RNASEH2A: variants seen among roughly 807,000 people sequenced by gnomAD.
RNASEH2A encodes the protein ribonuclease H2 subunit A, also known as RNase H(35).
A neutral mutation model predicts 32.7 loss-of-function variants in RNASEH2A; 30 were observed. The ratio of observed to expected loss-of-function variants is 0.92; its 90% CI spans 0.69 to 1.25. The LOEUF is 1.25. RNASEH2A is among the 50% of genes most tolerant of loss of function. The pLI, the probability that RNASEH2A is intolerant of heterozygous loss-of-function variation, is 0.00. For synonymous variants in RNASEH2A, 147 were observed against 165.4 expected (o/e 0.89, Z 0.86); for missense variants, 409 against 398.1 (o/e 1.03, Z -0.23).
Position 12,813,480 on chromosome 19 carries a change from G to T in RNASEH2A, c.*14G>T. On this transcript the variant is annotated 3_prime_UTR_variant, in exon 8 of 8. Coordinates refer to ENST00000221486, the MANE Select transcript of RNASEH2A (RefSeq NM_006397.3). ...ACCAGCCTCTAGCAGCTGCCTCTAC[G>T]CGCTCTACCTGCTTCCCCAACCCAG... 1 of 1,612,174 alleles carries T rather than the reference G, an allele frequency of 6.2e-7. No individual in the cohort carries two copies. Among genetic ancestry groups the T allele is most frequent in the Non-Finnish European group, 8.5e-7 (1 of 1,179,996 alleles).
At chr19:12,808,356 C>T (rs75106150) in intron 4 of RNASEH2A, among the ~76,000 whole-genome samples, 2,118 of 152,322 alleles carry the variant, frequency 0.014, 22 homozygotes, top group Non-Finnish European at 0.022. Flanking sequence ...CTGTTGATTT[C>T]GTGCTCCTGT....
At chr19:12,811,617 C>CA (rs201378863) in intron 6 of RNASEH2A, among the ~76,000 whole-genome samples, 9,624 of 143,274 alleles carry the variant, frequency 0.067, 494 homozygotes, top group African/African-American at 0.14. Context: ...GATCTTGTGT[C>CA]AAAAAAAAAA....
rs762503607 is a variant in RNASEH2A, at chr19:12,810,106, C to G, written c.447C>G (p.Tyr149Ter). The change falls in exon 5 of 8, where the codon TAC becomes TAG. Residue 149 changes from tyrosine to a stop codon, truncating the protein, a stop_gained. Coordinates refer to ENST00000221486, the MANE Select transcript of RNASEH2A (RefSeq NM_006397.3). LOFTEE classifies it high-confidence loss of function. ...FVDTVGMPET[Y>*]QARLQQSFPG... ...ACACCGTAGGGATGCCAGAGACATA[C>G]CAGGCGCGGCTGCAGCAAAGTTTTC... The G allele has an allele frequency of 6.2e-7, 1 of 1,614,160 alleles. No individual in the cohort carries two copies. Among genetic ancestry groups the G allele is most frequent in the Admixed American group, 1.7e-5 (1 of 60,018 alleles).
In RNASEH2A at chr19:12,810,371, T is replaced by G; in HGVS notation, c.604T>G (p.Leu202Val). ...GCAGTTCGTGGAGAAACTGCAGGACTTGGATACTGATTATGGCTCAGGCTA... is the reference window on the plus strand; with the variant it reads ...GCAGTTCGTGGAGAAACTGCAGGACGTGGATACTGATTATGGCTCAGGCTA... ...KWQFVEKLQD[L>V]DTDYGSGYPN... Residue 202 changes from leucine to valine, a missense_variant, in exon 6 of 8, where the codon TTG becomes GTG. By Grantham distance (32) the Leu-to-Val change is conservative. Transcript: ENST00000221486. 1 of 1,614,094 alleles carries G rather than the reference T, an allele frequency of 6.2e-7. No individual in the cohort carries two copies. Among genetic ancestry groups the G allele is most frequent in the Non-Finnish European group, 8.5e-7 (1 of 1,180,024 alleles).
chr19:12,808,794 G>A (rs930556032), intron 4 of RNASEH2A, among the ~76,000 whole-genome samples: 3 of 152,144 alleles, frequency 2.0e-5, no homozygotes, highest in Admixed American at 1.3e-4. Context: ...TAACCTTGAC[G>A]TAGGAATTGT....
Position 12,807,064 on chromosome 19 carries a change from G to A in RNASEH2A, c.184G>A (p.Ala62Thr), listed in dbSNP as rs766736329. 1 of 1,614,180 alleles carries A rather than the reference G, an allele frequency of 6.2e-7. No individual in the cohort carries two copies. The highest frequency in any genetic ancestry group is 1.7e-5 in the Admixed American group (1 of 60,006). Reference protein sequence around the residue: ...CPLPRLADLEALKVADSKTLL... With the variant: ...CPLPRLADLETLKVADSKTLL... ...CCTGCCTCGCCTGGCAGATCTGGAGGCGCTGAAAGTGGCAGGTGAGCCCGA... is the reference window on the plus strand; with the variant it reads ...CCTGCCTCGCCTGGCAGATCTGGAGACGCTGAAAGTGGCAGGTGAGCCCGA... The change falls in exon 2 of 8, where the codon GCG (alanine) becomes ACG (threonine). Residue 62 changes from alanine (A) to threonine (T), a missense_variant. Coordinates refer to ENST00000221486, the MANE Select transcript of RNASEH2A (RefSeq NM_006397.3).
rs770569884 is a variant in RNASEH2A at position 12,810,168 on chromosome 19, C to T, written c.509C>T (p.Ala170Val). 10 of 1,614,076 alleles carry T rather than the reference C, an allele frequency of 6.2e-6. No homozygotes were observed. Among genetic ancestry groups the T allele is most frequent in the Non-Finnish European group, 8.5e-6 (10 of 1,180,048 alleles). ...GTGACGGTCAAGGCCAAAGCAGATG[C>T]CCTCTACCCGGTGGTTAGTGCTGCC... ...IEVTVKAKAD[A>V]LYPVVSAASI... The change falls in exon 5 of 8, where the codon GCC becomes GTC. Residue 170 changes from alanine to valine, a missense_variant. By Grantham distance (64) the Ala-to-Val change is moderately conservative. Coordinates refer to ENST00000221486, the MANE Select transcript of RNASEH2A (RefSeq NM_006397.3).
At chr19:12,806,953 A>G (rs1969001375) in intron 1 of RNASEH2A, 55 bp from the exon 2 acceptor site, 1 of 1,608,304 alleles carries the variant, frequency 6.2e-7, no homozygotes, top group South Asian at 1.1e-5. Context: ...GGCAACTTTC[A>G]CGGGCTCAGT....
At chr19:12,810,483 T>C (rs1969058140) in intron 6 of RNASEH2A, 79 bp downstream of exon 6, 1 of 1,193,180 alleles carries the variant, frequency 8.4e-7, no homozygotes, top group African/African-American at 1.5e-5. Flanking sequence ...TTTTTTTCCT[T>C]TCTGTCATTT....
chr19:12,808,714 CAT>C (rs1969031217), intron 4 of RNASEH2A, among the ~76,000 whole-genome samples: 1 of 152,174 alleles, frequency 6.6e-6, no homozygotes, highest in Non-Finnish European at 1.5e-5. Flanking sequence ...CAGAGAAAAA[CAT>C]AAATCAGCAT....
chr19:12,808,672 C>T (rs986999734), intron 4 of RNASEH2A, among the ~76,000 whole-genome samples: 1 of 152,190 alleles, frequency 6.6e-6, no homozygotes, highest in African/African-American at 2.4e-5. Context: ...GGAAAATTCA[C>T]AGTCGAGTGG....
intron 6 of RNASEH2A, among the ~76,000 whole-genome samples, chr19:12,811,744 C>A (rs1480305474): frequency 6.6e-6 from 1 of 151,650 alleles, no homozygotes; most frequent in Non-Finnish European, 1.5e-5. Flanking sequence ...GTGGTGAAAC[C>A]CCATCTCTAC....
In RNASEH2A at chr19:12,813,147, C is replaced by G. The variant is rs765258023; in HGVS notation, c.702C>G (p.Val234=). Residue 234 remains valine (V), a synonymous_variant, in exon 7 of 8, where the codon GTC becomes GTG. Transcript: ENST00000221486. ...CTGTGTTCGGCTTCCCCCAGTTTGT[C>G]CGGTTCAGCTGGCGCACGGCCCAGA... The part of the protein sequence containing the change: ...VEPVFGFPQF[V]RFSWRTAQTI... The G allele has an allele frequency of 6.2e-7, 1 of 1,614,016 alleles. No homozygotes were observed. Among genetic ancestry groups the G allele is most frequent in the Non-Finnish European group, 8.5e-7 (1 of 1,180,002 alleles).
In RNASEH2A at chr19:12,807,191, C is replaced by T. The variant is rs761896185; in HGVS notation, c.200-15C>T. 7 of 1,613,944 alleles carry T rather than the reference C, an allele frequency of 4.3e-6. No individual in the cohort carries two copies. Among genetic ancestry groups the T allele is most frequent in the Admixed American group, 1.7e-5 (1 of 59,978 alleles). On this transcript the variant is annotated splice_polypyrimidine_tract_variant and intron_variant, in intron 2 of 7. Transcript: ENST00000221486. ...AGAACCAGCTGTTCCCCTTCTCTTCCAAACCTCCTCCCAGACTCAAAGACC... is the reference window on the plus strand; with the variant it reads ...AGAACCAGCTGTTCCCCTTCTCTTCTAAACCTCCTCCCAGACTCAAAGACC...
chr19:12,812,183 G>A (rs1969083869), intron 6 of RNASEH2A, among the ~76,000 whole-genome samples: 1 of 151,822 alleles, frequency 6.6e-6, no homozygotes, highest in Admixed American at 6.6e-5. Flanking sequence ...GCATTGAGCT[G>A]TGATAATGTC....
intron 1 of RNASEH2A, 40 bp from the exon 2 acceptor site, chr19:12,806,968 G>A: frequency 1.2e-6 from 2 of 1,610,622 alleles, no homozygotes; most frequent in Non-Finnish European, 1.7e-6. Flanking sequence ...CTCAGTGATT[G>A]GACCCCGGCT....
chr19:12,807,970 A>G (rs116813755), intron 4 of RNASEH2A: 31,607 of 215,158 alleles, frequency 0.15, 3,072 homozygotes, highest in African/African-American at 0.3. Flanking sequence ...AAAATGGGAG[A>G]CCAGGCGCAG....
At chr19:12,806,956 G>T in intron 1 of RNASEH2A, 52 bp from the exon 2 acceptor site, 1 of 1,609,144 alleles carries the variant, frequency 6.2e-7, no homozygotes, top group Non-Finnish European at 8.5e-7. Context: ...AACTTTCACG[G>T]GCTCAGTGAT....
At chr19:12,809,746 T>C (rs1157954807) in intron 4 of RNASEH2A, among the ~76,000 whole-genome samples, 1 of 151,996 alleles carries the variant, frequency 6.6e-6, no homozygotes, top group Non-Finnish European at 1.5e-5. Flanking sequence ...GAAAGCCTCT[T>C]CAGGAGGTGA....
Sources: allele counts gnomAD v4.1 joint callset (sites outside exome capture counted in the v4.1 genomes callset), GRCh38; gene constraint gnomAD v4.1.1; transcripts MANE v1.5; gene names NCBI Gene and HGNC (gene_info 2026-07-23, HGNC 2026-07-21).